The following CTNNA3 variants were observed in gnomAD, a reference collection of about 807,000 sequenced individuals.
The protein encoded by CTNNA3 is catenin alpha 3, also known as catenin alpha-3.
CTNNA3 carries 76 observed loss-of-function variants against 95.7 expected under a neutral mutation model. The ratio of observed to expected loss-of-function variants is 0.79; its 90% CI spans 0.66 to 0.96. The LOEUF is 0.96. Ranked by LOEUF, CTNNA3 falls within the 40% of genes least tolerant of loss-of-function variation. The pLI, the probability that CTNNA3 is intolerant of heterozygous loss-of-function variation, is 0.00. For synonymous variants in CTNNA3, 431 were observed against 374.4 expected (o/e 1.15, Z -1.74); for missense variants, 1,191 against 1,089.8 (o/e 1.09, Z -1.31).
chr10:67,086,125 T>C (rs1337053662), intron 7 of CTNNA3, among the ~76,000 whole-genome samples: 1 of 152,034 alleles, frequency 6.6e-6, no homozygotes, highest in Admixed American at 6.6e-5. Flanking sequence ...GATAGATGGA[T>C]AGATAAATGG....
At chr10:67,376,343 T>C (rs1410379523) in intron 5 of CTNNA3, among the ~76,000 whole-genome samples, 1 of 152,200 alleles carries the variant, frequency 6.6e-6, no homozygotes, top group African/African-American at 2.4e-5. Context: ...TTAGACTTCA[T>C]AGTGGAGTCT....
At chr10:66,667,035 C>T (rs528537270) in intron 9 of CTNNA3, among the ~76,000 whole-genome samples, 1 of 152,232 alleles carries the variant, frequency 6.6e-6, no homozygotes, top group South Asian at 2.1e-4. Flanking sequence ...ATCAGAGAAT[C>T]ATACTATTAA....
At chr10:66,580,814 T>C (rs1843159574) in intron 10 of CTNNA3, among the ~76,000 whole-genome samples, 2 of 151,740 alleles carry the variant, frequency 1.3e-5, no homozygotes, top group South Asian at 2.1e-4. Flanking sequence ...CATGGATGAA[T>C]TGTATAATGG....
At chr10:67,575,436 T>A (rs1199566121) in intron 3 of CTNNA3, among the ~76,000 whole-genome samples, 3 of 152,310 alleles carry the variant, frequency 2.0e-5, no homozygotes, top group African/African-American at 7.2e-5. Flanking sequence ...AAAACAGCTT[T>A]TCTCTGGGGC....
intron 11 of CTNNA3, among the ~76,000 whole-genome samples, chr10:66,483,348 G>A (rs1226074212): frequency 6.7e-6 from 1 of 148,240 alleles, no homozygotes; most frequent in African/African-American, 2.6e-5. Context: ...CACAGATGAA[G>A]TGGCCAAGAA....
At chr10:66,270,083 T>A (rs1017270745) in intron 13 of CTNNA3, among the ~76,000 whole-genome samples, 8 of 152,218 alleles carry the variant, frequency 5.3e-5, no homozygotes, top group African/African-American at 1.9e-4. Context: ...TCCTTAATTT[T>A]TGTAGTATAA....
chr10:67,762,387 A>ACCC (rs1841466753), intron 1 of CTNNA3, among the ~76,000 whole-genome samples: 1 of 150,090 alleles, frequency 6.7e-6, no homozygotes, highest in African/African-American at 2.5e-5. Flanking sequence ...CCCCCCCAAA[A>ACCC]AAAAAAAAGC....
intron 9 of CTNNA3, among the ~76,000 whole-genome samples, chr10:66,716,583 G>C (rs1260623423): frequency 6.6e-6 from 1 of 152,164 alleles, no homozygotes; most frequent in Admixed American, 6.6e-5. Context: ...ATTGCACTGA[G>C]CCAGTGCTGT....
intron 5 of CTNNA3, among the ~76,000 whole-genome samples, chr10:67,488,820 C>T (rs750822614): frequency 3.9e-5 from 6 of 152,102 alleles, no homozygotes; most frequent in Non-Finnish European, 8.8e-5. Flanking sequence ...CAGGCGCATG[C>T]CACCGTGTCC....
At position 65,914,439 on chromosome 10, in the gene CTNNA3, A is replaced by T. The variant is rs892648868; in HGVS notation, c.*5891T>A. The T allele has an allele frequency of 7.2e-5, 11 of 152,278 alleles. No individual in the cohort carries two copies. The highest frequency in any genetic ancestry group is 2.6e-4 in the African/African-American group (11 of 41,572). 9.4% of individuals were successfully genotyped at this position (152,278 alleles called of 1,614,324 possible). ...CATGGGCAAGAAGAGTCTAGCCTTC[A>T]GTCGACTCTAAAAAAGGCCATGTAA... On this transcript the variant is annotated 3_prime_UTR_variant, in exon 18 of 18. Transcript: ENST00000433211.
chr10:66,723,240 T>C (rs1164245824), intron 9 of CTNNA3, among the ~76,000 whole-genome samples: 1 of 152,182 alleles, frequency 6.6e-6, no homozygotes, highest in Admixed American at 6.5e-5. Flanking sequence ...TACATGATAG[T>C]TGTTTCTAGT....
chr10:67,687,129 G>C (rs1840747448), intron 1 of CTNNA3, among the ~76,000 whole-genome samples: 1 of 152,168 alleles, frequency 6.6e-6, no homozygotes, highest in Non-Finnish European at 1.5e-5. Context: ...CAGCTGTCCA[G>C]GACAGGAGAT....
intron 13 of CTNNA3, among the ~76,000 whole-genome samples, chr10:66,105,118 A>G (rs1320699200): frequency 1.3e-5 from 2 of 152,156 alleles, no homozygotes; most frequent in African/African-American, 4.8e-5. Context: ...CCCTCTCGCC[A>G]AAGCCTTCAA....
intron 1 of CTNNA3, among the ~76,000 whole-genome samples, chr10:67,739,978 G>A (rs1318506892): frequency 1.3e-5 from 2 of 152,120 alleles, no homozygotes; most frequent in Non-Finnish European, 1.5e-5. Flanking sequence ...CAATGGAACA[G>A]AACAGAGCCC....
chr10:67,012,731 G>A (rs958220342), intron 7 of CTNNA3, among the ~76,000 whole-genome samples: 3 of 151,898 alleles, frequency 2.0e-5, no homozygotes, highest in Admixed American at 1.3e-4. Flanking sequence ...CCAGCTTCAC[G>A]GTGGTTTTGG....
At chr10:66,723,717 CT>C (rs1484947582) in intron 9 of CTNNA3, among the ~76,000 whole-genome samples, 1 of 152,090 alleles carries the variant, frequency 6.6e-6, no homozygotes, top group African/African-American at 2.4e-5. Context: ...AGGTTTTGCT[CT>C]ATATAGTCTG....
chr10:67,593,421 T>C, intron 3 of CTNNA3, among the ~76,000 whole-genome samples: 1 of 152,216 alleles, frequency 6.6e-6, no homozygotes, highest in Non-Finnish European at 1.5e-5. Context: ...ATTTGTGTCA[T>C]GTCTGATTTC....
At chr10:66,567,567 C>T (rs1404761046) in intron 10 of CTNNA3, among the ~76,000 whole-genome samples, 1 of 151,964 alleles carries the variant, frequency 6.6e-6, no homozygotes, top group Non-Finnish European at 1.5e-5. Context: ...TGCGGTGAAT[C>T]ATTATTGCAT....
chr10:67,134,201 G>T (rs12254986), intron 7 of CTNNA3, among the ~76,000 whole-genome samples: 2,692 of 152,206 alleles, frequency 0.018, 59 homozygotes, highest in African/African-American at 0.062. Context: ...GTAAATTAAA[G>T]AATTCTGAGA....
Sources: gnomAD v4.1 joint callset for allele counts (sites outside exome capture counted in the v4.1 genomes callset) on GRCh38, gnomAD v4.1.1 for gene constraint, MANE v1.5 for transcripts, NCBI Gene and HGNC (gene_info 2026-07-23, HGNC 2026-07-21) for gene names.